Variants in DLC1 observed in about 807,000 individuals in gnomAD.
DLC1 encodes rho GTPase-activating protein 7.
A neutral mutation model predicts 140.3 loss-of-function variants in DLC1; 54 were observed. The ratio of observed to expected loss-of-function variants is 0.38; its 90% CI spans 0.31 to 0.48. DLC1 has a LOEUF of 0.48. Ranked by LOEUF, DLC1 falls within the 20% of genes least tolerant of loss-of-function variation. The pLI is 0.96. For missense variants in DLC1, 2,536 were observed against 1,907.0 expected (o/e 1.33, Z -6.14); for synonymous variants, 986 against 728.1 (o/e 1.35, Z -5.70).
intron 2 of DLC1, among the ~76,000 whole-genome samples, chr8:13,424,833 A>G (rs931123752): frequency 2.0e-5 from 3 of 152,242 alleles, no homozygotes; most frequent in African/African-American, 7.2e-5. Context: ...TCGGCCTCCC[A>G]AAGTGCTGGG....
At chr8:13,253,667 CT>C (rs1830099574) in intron 5 of DLC1, among the ~76,000 whole-genome samples, 1 of 152,158 alleles carries the variant, frequency 6.6e-6, no homozygotes, top group African/African-American at 2.4e-5. Flanking sequence ...ATGCAAACAC[CT>C]TAATCTTAGC....
chr8:13,086,195 T>C, intron 17 of DLC1, 95 bp downstream of exon 17: 1 of 1,480,148 alleles, frequency 6.8e-7, no homozygotes, highest in Non-Finnish European at 9.1e-7. Flanking sequence ...CAAGAAAAAA[T>C]GACGTGTTTG....
intron 4 of DLC1, among the ~76,000 whole-genome samples, chr8:13,307,489 A>G (rs1408446980): frequency 6.6e-6 from 1 of 152,240 alleles, no homozygotes; most frequent in Non-Finnish European, 1.5e-5. Context: ...CATATTTAAA[A>G]ATAGAATTAA....
chr8:13,359,786 A>G (rs535932366), intron 4 of DLC1, among the ~76,000 whole-genome samples: 3 of 152,344 alleles, frequency 2.0e-5, no homozygotes, highest in Middle Eastern at 3.4e-3. Context: ...TCACCAGAGA[A>G]GTTGGGTGGT....
intron 4 of DLC1, among the ~76,000 whole-genome samples, chr8:13,324,573 A>AAAC (rs1833263135): frequency 2.9e-4 from 1 of 3,394 alleles, no homozygotes; most frequent in East Asian, 0.026. Flanking sequence ...ACTCCGTCTC[A>AAAC]AAAAAAAAAA....
chr8:13,579,715 A>G (rs952862150), intron 1 of DLC1, among the ~76,000 whole-genome samples: 3 of 148,932 alleles, frequency 2.0e-5, no homozygotes, highest in African/African-American at 5.0e-5. Context: ...ACAATATTAG[A>G]GATTATTTTG....
chr8:13,095,043 C>A lies in DLC1; in HGVS notation c.3327+43G>T, dbSNP rs118133431. 3.6e-3 allele frequency: 5,823 copies of A among 1,613,398 alleles called. 27 individuals carry two copies. The highest frequency in any genetic ancestry group is 0.023 in the Middle Eastern group (141 of 6,056). On this transcript the variant is annotated intron_variant, in intron 11 of 17. Coordinates refer to ENST00000276297, the MANE Select transcript of DLC1 (RefSeq NM_182643.3). ...ACAACTAGAAGAAGCTGCATGTAAT[C>A]CGAGCTCCCCTGAGTACGTGGACCC...
chr8:13,544,841 C>G (rs916223126), intron 1 of DLC1, among the ~76,000 whole-genome samples: 1 of 152,080 alleles, frequency 6.6e-6, no homozygotes. Context: ...AAATATGATT[C>G]AATGTCTCTT....
At chr8:13,132,889 C>T in intron 5 of DLC1, 1 of 1,553,694 alleles carries the variant, frequency 6.4e-7, no homozygotes, top group Non-Finnish European at 8.7e-7. Flanking sequence ...CGGCGGGTCC[C>T]CTCCGCAGCC....
chr8:13,575,920 G>C (rs900927390), intron 1 of DLC1, among the ~76,000 whole-genome samples: 4 of 152,296 alleles, frequency 2.6e-5, no homozygotes, highest in South Asian at 4.1e-4. Flanking sequence ...TTGAGTATCT[G>C]TGTGGCAAGA....
intron 5 of DLC1, among the ~76,000 whole-genome samples, chr8:13,264,341 G>C (rs1830600162): frequency 6.6e-6 from 1 of 152,206 alleles, no homozygotes; most frequent in South Asian, 2.1e-4. Flanking sequence ...CCACAGTGCT[G>C]GGATTACGGG....
At chr8:13,229,829 G>C (rs1428867460) in intron 5 of DLC1, among the ~76,000 whole-genome samples, 1 of 152,188 alleles carries the variant, frequency 6.6e-6, no homozygotes, top group African/African-American at 2.4e-5. Flanking sequence ...AGTGTTCACT[G>C]CGCTCAAATT....
intron 4 of DLC1, among the ~76,000 whole-genome samples, chr8:13,326,744 G>A (rs563948181): frequency 6.6e-6 from 1 of 152,164 alleles, no homozygotes; most frequent in Non-Finnish European, 1.5e-5. Context: ...TGATTCTGTA[G>A]GTCATTAGAT....
chr8:13,476,707 A>T (rs551514801), intron 2 of DLC1, among the ~76,000 whole-genome samples: 3 of 152,316 alleles, frequency 2.0e-5, no homozygotes, highest in East Asian at 1.9e-4. Context: ...AATGACAATC[A>T]TTTATTCAAC....
At chr8:13,476,649 G>A (rs1800448726) in intron 2 of DLC1, among the ~76,000 whole-genome samples, 1 of 152,132 alleles carries the variant, frequency 6.6e-6, no homozygotes, top group Non-Finnish European at 1.5e-5. Flanking sequence ...AGATGTTAGA[G>A]TTATGAAAGT....
chr8:13,365,661 G>C (rs1170168743), intron 4 of DLC1, among the ~76,000 whole-genome samples: 2 of 152,112 alleles, frequency 1.3e-5, no homozygotes, highest in African/African-American at 4.8e-5. Flanking sequence ...TGCTCCTTCT[G>C]GGTTTCCAGA....
intron 2 of DLC1, among the ~76,000 whole-genome samples, chr8:13,436,403 T>G (rs896415475): frequency 7.9e-5 from 12 of 152,180 alleles, no homozygotes; most frequent in African/African-American, 2.9e-4. Flanking sequence ...CAATTACCTA[T>G]CAAGAGTTAA....
chr8:13,095,480 G>A, intron 10 of DLC1: 1 of 543,964 alleles, frequency 1.8e-6, no homozygotes, highest in Non-Finnish European at 3.3e-6. Context: ...TGCAGATAAA[G>A]AACATTCCTA....
rs144868660 is a variant in DLC1, at chr8:13,337,968, T to A, written c.1315-32666A>T. Among the ~76,000 whole-genome samples, 333 of 152,330 alleles carry A rather than the reference T, an allele frequency of 2.2e-3. 3 individuals are homozygous for A. The highest frequency in any genetic ancestry group is 7.4e-3 in the African/African-American group (307 of 41,588). On this transcript the variant is annotated intron_variant, in intron 4 of 17. Transcript: ENST00000276297. ...CATTTATTCTTTCTATCAATACTGA[T>A]CCCCTATCATACGTTGAGTAGTATA...
Sources: gnomAD v4.1 joint callset for allele counts (sites outside exome capture counted in the v4.1 genomes callset) on GRCh38, gnomAD v4.1.1 for gene constraint, MANE v1.5 for transcripts, NCBI Gene and HGNC (gene_info 2026-07-23, HGNC 2026-07-21) for gene names.